The following DPYD variants were observed in gnomAD, a reference collection of about 807,000 sequenced individuals.
The protein encoded by DPYD is dihydropyrimidine dehydrogenase, also known as dihydropyrimidine dehydrogenase [NADP(+)].
A neutral mutation model predicts 116.2 loss-of-function variants in DPYD; 109 were observed. The observed-to-expected ratio is 0.94, with a 90% CI of 0.80 to 1.10. DPYD has a LOEUF of 1.10. Among genes scored for constraint, DPYD ranks in the 50% least tolerant of loss-of-function variants. The pLI is 0.00. For missense variants in DPYD, 1,302 were observed against 1,254.5 expected, an observed-to-expected ratio of 1.04 and a Z score of -0.57; for synonymous variants, 440 against 432.0, an observed-to-expected ratio of 1.02 and a Z score of -0.23.
chr1:97,899,510 G>A (rs986453297), intron 1 of DPYD, among the ~76,000 whole-genome samples: 4 of 151,668 alleles, frequency 2.6e-5, no homozygotes, highest in African/African-American at 9.7e-5. Context: ...TCTATATCCT[G>A]AGGGTATTTA....
At chr1:97,679,435 T>C (rs923252423) in intron 7 of DPYD, among the ~76,000 whole-genome samples, 3 of 152,144 alleles carry the variant, frequency 2.0e-5, no homozygotes, top group African/African-American at 7.2e-5. Flanking sequence ...TAAACTTCCA[T>C]AGCTTGCATA....
At chr1:97,915,377 C>T (rs897294403) in intron 1 of DPYD, among the ~76,000 whole-genome samples, 4 of 151,996 alleles carry the variant, frequency 2.6e-5, no homozygotes, top group Non-Finnish European at 5.9e-5. Context: ...GGTGAACTGG[C>T]TAAAAGTTAT....
At chr1:97,825,221 G>A (rs191186703) in intron 3 of DPYD, among the ~76,000 whole-genome samples, 130 of 152,118 alleles carry the variant, frequency 8.5e-4, no homozygotes, top group Non-Finnish European at 1.4e-3. Context: ...TTGTAAACTC[G>A]GATACTGACA....
chr1:97,275,535 T>C (rs542751339), intron 18 of DPYD, among the ~76,000 whole-genome samples: 1 of 152,214 alleles, frequency 6.6e-6, no homozygotes, highest in African/African-American at 2.4e-5. Flanking sequence ...TGCGTAATAG[T>C]AGTTACAAAC....
At chr1:97,466,741 A>G (rs1350746972) in intron 13 of DPYD, among the ~76,000 whole-genome samples, 1 of 152,212 alleles carries the variant, frequency 6.6e-6, no homozygotes, top group Non-Finnish European at 1.5e-5. Context: ...GTGATTCACA[A>G]GGCATCTAAG....
chr1:97,194,265 T>C (rs995618603), intron 19 of DPYD, among the ~76,000 whole-genome samples: 1 of 152,064 alleles, frequency 6.6e-6, no homozygotes, highest in Non-Finnish European at 1.5e-5. Flanking sequence ...TGGGGATGGT[T>C]ATCTCCATGC....
At chr1:97,158,878 T>A (rs1391054798) in intron 20 of DPYD, among the ~76,000 whole-genome samples, 2 of 152,152 alleles carry the variant, frequency 1.3e-5, no homozygotes, top group African/African-American at 4.8e-5. Context: ...TGTACAGATA[T>A]TTCAGTCAGT....
chr1:97,624,882 TCTCA>T (rs1214404520), intron 8 of DPYD, among the ~76,000 whole-genome samples: 1 of 152,064 alleles, frequency 6.6e-6, no homozygotes, highest in Admixed American at 6.6e-5. Flanking sequence ...TACTGCATGT[TCTCA>T]CTTGGATGTC....
intron 6 of DPYD, among the ~76,000 whole-genome samples, chr1:97,696,579 T>G (rs1359672618): frequency 1.3e-5 from 2 of 152,154 alleles, no homozygotes; most frequent in African/African-American, 4.8e-5. Context: ...TTTTCTTCTA[T>G]CTGTGCTCCT....
chr1:97,813,679 A>G (rs1221864522), intron 3 of DPYD, among the ~76,000 whole-genome samples: 2 of 152,164 alleles, frequency 1.3e-5, no homozygotes, highest in South Asian at 2.1e-4. Flanking sequence ...AGCCAAAATA[A>G]TGTCCCTTAA....
intron 18 of DPYD, among the ~76,000 whole-genome samples, chr1:97,244,596 T>C (rs1346057320): frequency 6.6e-6 from 1 of 152,052 alleles, no homozygotes; most frequent in East Asian, 1.9e-4. Flanking sequence ...TCATATGTAC[T>C]CTCTTTGGAA....
Position 97,193,089 on chromosome 1 carries a change from T to C in DPYD, c.2602A>G (p.Ile868Val), listed in dbSNP as rs1376710863. Residue 868 changes from isoleucine (I) to valine (V), a missense_variant, in exon 20 of 23, where the codon ATA becomes GTA. Coordinates refer to ENST00000370192, the MANE Select transcript of DPYD (RefSeq NM_000110.4). Reference protein sequence around the residue: ...SHQKGKPVPRIAELMDKKLPS... With the variant: ...SHQKGKPVPRVAELMDKKLPS... ...CATACCTTGTCCATGAGTTCAGCTATACGTGGAACTGGTTTCCCTTTCTGG... is the reference window on the plus strand; with the variant it reads ...CATACCTTGTCCATGAGTTCAGCTACACGTGGAACTGGTTTCCCTTTCTGG... The C allele has an allele frequency of 6.2e-7, 1 of 1,614,026 alleles. No individual in the cohort carries two copies. The highest frequency in any genetic ancestry group is 1.1e-5 in the South Asian group (1 of 91,086).
intron 2 of DPYD, among the ~76,000 whole-genome samples, chr1:97,858,655 G>T (rs1425536593): frequency 6.6e-6 from 1 of 151,842 alleles, no homozygotes; most frequent in African/African-American, 2.4e-5. Context: ...ATTTAATCAA[G>T]TTATGATACT....
At chr1:97,805,707 A>G (rs149503141) in intron 3 of DPYD, among the ~76,000 whole-genome samples, 1 of 151,000 alleles carries the variant, frequency 6.6e-6, no homozygotes, top group Non-Finnish European at 1.5e-5. Flanking sequence ...GTAGACAAAC[A>G]AAAGTTCCTA....
chr1:97,176,537 G>A (rs1657274233), intron 20 of DPYD, among the ~76,000 whole-genome samples: 1 of 152,218 alleles, frequency 6.6e-6, no homozygotes, highest in African/African-American at 2.4e-5. Flanking sequence ...GCCCACTGCT[G>A]CTATTACATT....
chr1:97,085,980 A>G (rs1473854949), intron 21 of DPYD, among the ~76,000 whole-genome samples: 1 of 152,212 alleles, frequency 6.6e-6, no homozygotes, highest in Non-Finnish European at 1.5e-5. Context: ...GTTGCAAAGT[A>G]CTACAGAATT....
In DPYD at chr1:97,691,707, T is replaced by A; in HGVS notation, c.762+10A>T. 2.5e-6 allele frequency: 4 copies of A among 1,612,592 alleles called. No individual in the cohort carries two copies. The highest frequency in any genetic ancestry group is 3.4e-6 in the Non-Finnish European group (4 of 1,178,754). On this transcript the variant is annotated intron_variant, in intron 7 of 22. Transcript: ENST00000370192. ...TGAGCAGTACACAGATAGGTGTTTT[T>A]TTCATTTACCTTTACACCAAGGTCC...
chr1:97,603,780 T>C (rs1571042725), intron 8 of DPYD, among the ~76,000 whole-genome samples: 1 of 152,250 alleles, frequency 6.6e-6, no homozygotes. Context: ...AATTATACAA[T>C]CATATTGTGA....
intron 14 of DPYD, among the ~76,000 whole-genome samples, chr1:97,425,203 T>A (rs1010507902): frequency 2.0e-5 from 3 of 152,036 alleles, no homozygotes; most frequent in African/African-American, 7.2e-5. Flanking sequence ...TATAAATAGA[T>A]GTTACCACAT....
Sources: allele counts gnomAD v4.1 joint callset (sites outside exome capture counted in the v4.1 genomes callset), GRCh38; gene constraint gnomAD v4.1.1; transcripts MANE v1.5; gene names NCBI Gene and HGNC (gene_info 2026-07-23, HGNC 2026-07-21).